The following KALRN variants were observed in gnomAD, a reference collection of about 807,000 sequenced individuals.
The protein encoded by KALRN is kalirin.
In KALRN, 70 loss-of-function variants were observed where a neutral mutation model predicts 353.7. The observed-to-expected ratio is 0.20, with a 90% CI of 0.16 to 0.24. The LOEUF is 0.24. Ranked by LOEUF, KALRN falls within the 10% of genes least tolerant of loss-of-function variation. The pLI is 1.00. For synonymous variants in KALRN, 1,391 were observed against 1,434.8 expected, an observed-to-expected ratio of 0.97 and a Z score of 0.69; for missense variants, 2,791 against 3,756.7, an observed-to-expected ratio of 0.74 and a Z score of 6.72.
chr3:124,495,879 G>A (rs1472833615), intron 32 of KALRN, among the ~76,000 whole-genome samples: 1 of 143,352 alleles, frequency 7.0e-6, no homozygotes, highest in East Asian at 2.1e-4. Context: ...CTAATCACCT[G>A]GATAGAAGCC....
In KALRN at chr3:124,254,422, C is replaced by CAA. The variant is rs35522040; in HGVS notation, c.264-10049_264-10048dup. 4.9e-4 allele frequency among the ~76,000 whole-genome samples: 59 copies of CAA among 121,266 alleles called. 1 individual carries two copies. The highest frequency in any genetic ancestry group is 2.0e-3 in the African/African-American group (56 of 28,668). The allele number at this position is 121,266 out of a possible 152,430, so 79.6% of individuals were successfully genotyped here. A position where few individuals can be genotyped will look rare whatever the true frequency, so the allele number is the denominator to read the frequency against. On this transcript the variant is annotated intron_variant, in intron 3 of 59. Transcript: ENST00000682506. ...TCAAGTGTTCTATGCATCTATGAAG[C>CAA]AAAAAAAAAAAAAAAAAAAAAAAAA...
chr3:124,146,874 C>CAAA (rs34633708), intron 1 of KALRN, among the ~76,000 whole-genome samples: 1,789 of 49,922 alleles, frequency 0.036, 247 homozygotes, highest in African/African-American at 0.12. Flanking sequence ...GACTCTGTCT[C>CAAA]AAAAAAAAAA....
intron 19 of KALRN, among the ~76,000 whole-genome samples, chr3:124,445,680 A>G (rs187320178): frequency 1.3e-5 from 2 of 152,262 alleles, no homozygotes; most frequent in African/African-American, 2.4e-5. Flanking sequence ...GTCCAAGAAC[A>G]TTGCTCATGA....
chr3:124,405,391 A>C (rs1236600069), intron 13 of KALRN, among the ~76,000 whole-genome samples: 1 of 152,168 alleles, frequency 6.6e-6, no homozygotes, highest in Non-Finnish European at 1.5e-5. Flanking sequence ...GATGCAGTAG[A>C]AGGTGTTCAG....
chr3:124,398,828 A>G lies in KALRN; in HGVS notation c.2303A>G (p.Asp768Gly), dbSNP rs1166553932. The change falls in exon 13 of 60, where the codon GAC becomes GGC. Residue 768 changes from aspartate to glycine, a missense_variant. Around this residue, in one of 11 missense-constraint regions of KALRN, gnomAD observed 452 missense variants for 575.8 expected, o/e 0.78. Transcript: ENST00000682506. Reference sequence around the variant, plus strand: ...TTCCACGAGCGGAAGATCAAGCTGGACATCTTCCTGCAACTGCGCATCTTT... The same window carrying G: ...TTCCACGAGCGGAAGATCAAGCTGGGCATCTTCCTGCAACTGCGCATCTTT... ...ELFHERKIKL[D>G]IFLQLRIFEQ... 1.2e-6 allele frequency: 2 copies of G among 1,614,076 alleles called. No homozygotes were observed. The highest frequency in any genetic ancestry group is 1.7e-6 in the Non-Finnish European group (2 of 1,179,992).
At chr3:124,501,391 A>C (rs1314153423) in intron 33 of KALRN, among the ~76,000 whole-genome samples, 1 of 152,214 alleles carries the variant, frequency 6.6e-6, no homozygotes, top group Non-Finnish European at 1.5e-5. Flanking sequence ...TTTCGGATAT[A>C]ACTCAATGGT....
At chr3:124,261,417 C>T (rs2072850970) in intron 3 of KALRN, among the ~76,000 whole-genome samples, 1 of 152,230 alleles carries the variant, frequency 6.6e-6, no homozygotes, top group Admixed American at 6.5e-5. Context: ...CCTTTCCCAG[C>T]TATGCCCCTT....
rs746851048 is a variant in KALRN at position 124,661,892 on chromosome 3, T to A, written c.6309T>A (p.Asn2103Lys). 1 of 1,614,050 alleles carries A rather than the reference T, an allele frequency of 6.2e-7. No individual in the cohort carries two copies. The highest frequency in any genetic ancestry group is 1.3e-5 in the African/African-American group (1 of 74,936). Residue 2103 changes from asparagine (N) to lysine (K), a missense_variant, in exon 45 of 60, where the codon AAT (asparagine) becomes AAA (lysine). Asn to Lys is a moderately conservative substitution (Grantham distance 94). Transcript: ENST00000682506. ...ELMCLVPKRC[N>K]DMMNLGRLQG... Reference sequence around the variant, plus strand: ...TGTGCCTTGTTCCCAAACGCTGCAATGACATGATGAATCTAGGACGTCTGC... The same window carrying A: ...TGTGCCTTGTTCCCAAACGCTGCAAAGACATGATGAATCTAGGACGTCTGC...
chr3:124,269,326 T>TG, intron 5 of KALRN, 71 bp downstream of exon 5: 1 of 1,451,450 alleles, frequency 6.9e-7, no homozygotes, highest in Non-Finnish European at 9.3e-7. Context: ...TCCAACTTTC[T>TG]GATTAATGAT....
chr3:124,347,469 T>G (rs1221558122), intron 10 of KALRN, among the ~76,000 whole-genome samples: 1 of 151,966 alleles, frequency 6.6e-6, no homozygotes, highest in Non-Finnish European at 1.5e-5. Flanking sequence ...TGATAACCTG[T>G]GGCTGCTGGG....
chr3:124,680,610 C>T (rs2087681390), intron 51 of KALRN, among the ~76,000 whole-genome samples: 1 of 152,174 alleles, frequency 6.6e-6, no homozygotes. Context: ...GACCTAATCC[C>T]AGAGAAGTCC....
chr3:124,640,286 C>CTT (rs71777187), intron 37 of KALRN, among the ~76,000 whole-genome samples: 247 of 127,446 alleles, frequency 1.9e-3, no homozygotes, highest in African/African-American at 3.4e-3. Context: ...TTCTTTCTTT[C>CTT]TTTTTTTTTT....
At chr3:124,203,941 T>C (rs945229792) in intron 1 of KALRN, among the ~76,000 whole-genome samples, 1 of 152,208 alleles carries the variant, frequency 6.6e-6, no homozygotes, top group Admixed American at 6.5e-5. Context: ...GTGAAGCTCT[T>C]GTATATGGAG....
rs139928910 is a variant in KALRN at position 124,490,761 on chromosome 3, G to A, written c.4464G>A (p.Pro1488=). Residue 1488 remains proline, a synonymous_variant, in exon 30 of 60, where the codon CCG becomes CCA. Coordinates refer to ENST00000682506, the MANE Select transcript of KALRN (RefSeq NM_001388419.1). ...ILQDAFQVWD[P]KSLIRKGRER... ...AGGATGCCTTTCAAGTGTGGGACCCGAAGTCGCTGATCCGGAAGGGGCGGG... is the reference window on the plus strand; with the variant it reads ...AGGATGCCTTTCAAGTGTGGGACCCAAAGTCGCTGATCCGGAAGGGGCGGG... 3.0e-5 allele frequency: 49 copies of A among 1,613,778 alleles called. No individual in the cohort carries two copies. Among genetic ancestry groups the A allele is most frequent in the African/African-American group, 6.7e-5 (5 of 74,912 alleles).
chr3:124,493,931 A>G (rs2063441373), intron 32 of KALRN, among the ~76,000 whole-genome samples: 1 of 152,220 alleles, frequency 6.6e-6, no homozygotes, highest in African/African-American at 2.4e-5. Flanking sequence ...AGTCCAGGTA[A>G]GGAGGGGGTG....
intron 33 of KALRN, among the ~76,000 whole-genome samples, chr3:124,513,931 G>T (rs1163839622): frequency 6.6e-6 from 1 of 152,068 alleles, no homozygotes; most frequent in Non-Finnish European, 1.5e-5. Context: ...AGAGCCCTGG[G>T]GTCAACATGA....
intron 10 of KALRN, among the ~76,000 whole-genome samples, chr3:124,350,499 T>C (rs2082725984): frequency 6.6e-6 from 1 of 152,224 alleles, no homozygotes; most frequent in Non-Finnish European, 1.5e-5. Flanking sequence ...CCAGGTCTGT[T>C]GGATTCCACA....
At chr3:124,639,973 G>C (rs2081850021) in intron 37 of KALRN, among the ~76,000 whole-genome samples, 1 of 152,174 alleles carries the variant, frequency 6.6e-6, no homozygotes, top group Non-Finnish European at 1.5e-5. Flanking sequence ...TGGTAGCAAT[G>C]TAACAATACT....
At chr3:124,207,975 C>A (rs1048132151) in intron 1 of KALRN, among the ~76,000 whole-genome samples, 5 of 152,200 alleles carry the variant, frequency 3.3e-5, no homozygotes, top group Admixed American at 2.0e-4. Context: ...GGTCTGCCTG[C>A]TGGCTTTACC....
Sources: gnomAD v4.1 joint callset for allele counts (sites outside exome capture counted in the v4.1 genomes callset) on GRCh38, gnomAD v4.1.1 for gene constraint, gnomAD v4.1.1 regional missense constraint, MANE v1.5 for transcripts, NCBI Gene and HGNC (gene_info 2026-07-23, HGNC 2026-07-21) for gene names.